The following GRM1 variants were observed in gnomAD, a reference collection of about 807,000 sequenced individuals.
GRM1 encodes metabotropic glutamate receptor 1.
In GRM1, 33 loss-of-function variants were observed where a neutral mutation model predicts 90.9. That is an observed-to-expected ratio of 0.36 (90% CI 0.28 to 0.49). The LOEUF is 0.49. Among genes scored for constraint, GRM1 ranks in the 20% least tolerant of loss-of-function variants. GRM1 has a pLI of 0.99. For synonymous variants in GRM1, 700 were observed against 613.2 expected, an observed-to-expected ratio of 1.14 and a Z score of -2.09; for missense variants, 1,190 against 1,534.3, an observed-to-expected ratio of 0.78 and a Z score of 3.75.
intron 1 of GRM1, among the ~76,000 whole-genome samples, chr6:146,126,168 T>A (rs1248793169): frequency 6.6e-6 from 1 of 152,070 alleles, no homozygotes; most frequent in Non-Finnish European, 1.5e-5. Context: ...TTAATCTTAA[T>A]GAAGACTGAA....
chr6:146,281,114 T>A (rs1367663352), intron 2 of GRM1, among the ~76,000 whole-genome samples: 1 of 152,190 alleles, frequency 6.6e-6, no homozygotes, highest in African/African-American at 2.4e-5. Flanking sequence ...ACAAAAACAT[T>A]TGGAAGAATT....
chr6:146,283,654 A>T (rs1017125368), intron 2 of GRM1, among the ~76,000 whole-genome samples: 1 of 152,220 alleles, frequency 6.6e-6, no homozygotes, highest in Non-Finnish European at 1.5e-5. Context: ...TACGACAGGT[A>T]TAGTTCCAGG....
intron 1 of GRM1, among the ~76,000 whole-genome samples, chr6:146,044,681 A>AT (rs1055242046): frequency 2.6e-5 from 4 of 151,968 alleles, no homozygotes; most frequent in Non-Finnish European, 4.4e-5. Flanking sequence ...AGGCAAATTC[A>AT]TTTTTTTGGT....
At chr6:146,242,637 T>C (rs1445643730) in intron 2 of GRM1, among the ~76,000 whole-genome samples, 1 of 152,154 alleles carries the variant, frequency 6.6e-6, no homozygotes, top group Admixed American at 6.6e-5. Flanking sequence ...CTTCTGAATC[T>C]GGTCATTACT....
intron 3 of GRM1, among the ~76,000 whole-genome samples, chr6:146,317,347 C>G (rs1482910847): frequency 6.6e-6 from 1 of 152,228 alleles, no homozygotes; most frequent in African/African-American, 2.4e-5. Flanking sequence ...GTTGATAAAA[C>G]TGCTGCCTTC....
chr6:146,077,279 C>T (rs1776218693), intron 1 of GRM1, among the ~76,000 whole-genome samples: 1 of 152,192 alleles, frequency 6.6e-6, no homozygotes, highest in Admixed American at 6.5e-5. Flanking sequence ...AACGCACACA[C>T]AGACAGATAC....
At chr6:146,069,072 G>A (rs984353636) in intron 1 of GRM1, among the ~76,000 whole-genome samples, 1 of 152,102 alleles carries the variant, frequency 6.6e-6, no homozygotes, top group African/African-American at 2.4e-5. Context: ...TGATGTCAGT[G>A]GTCCCCAAAC....
chr6:146,209,844 G>T (rs528825253), intron 2 of GRM1, among the ~76,000 whole-genome samples: 1 of 152,270 alleles, frequency 6.6e-6, no homozygotes, highest in South Asian at 2.1e-4. Context: ...TTAGGCAGCA[G>T]TGGGGAAGAT....
intron 3 of GRM1, among the ~76,000 whole-genome samples, chr6:146,319,058 C>A (rs1278028643): frequency 6.6e-6 from 1 of 152,070 alleles, no homozygotes; most frequent in Non-Finnish European, 1.5e-5. Context: ...TTACTCACAA[C>A]GTCTTTGCCC....
intron 2 of GRM1, among the ~76,000 whole-genome samples, chr6:146,186,207 A>G (rs1000818947): frequency 2.0e-5 from 3 of 150,640 alleles, no homozygotes; most frequent in African/African-American, 7.3e-5. Context: ...CGAACTCCTG[A>G]CCTCAAGTGA....
chr6:146,107,237 T>A (rs1215474734), intron 1 of GRM1, among the ~76,000 whole-genome samples: 1 of 152,210 alleles, frequency 6.6e-6, no homozygotes, highest in African/African-American at 2.4e-5. Context: ...CTACTATTAT[T>A]GTATATAAGA....
At chr6:146,059,324 A>G (rs1582942077) in intron 1 of GRM1, among the ~76,000 whole-genome samples, 2 of 152,130 alleles carry the variant, frequency 1.3e-5, no homozygotes, top group East Asian at 3.9e-4. Flanking sequence ...TTGGGTGACC[A>G]GGTGTATTGT....
chr6:146,070,998 G>A (rs1776000752), intron 1 of GRM1, among the ~76,000 whole-genome samples: 1 of 152,238 alleles, frequency 6.6e-6, no homozygotes, highest in East Asian at 1.9e-4. Flanking sequence ...GAAATAATTA[G>A]CCTATGGGGC....
chr6:146,398,697 G>C, intron 6 of GRM1, 72 bp from the exon 7 acceptor site: 1 of 1,007,164 alleles, frequency 9.9e-7, no homozygotes, highest in Non-Finnish European at 1.6e-6. Context: ...TGTGTCTCTG[G>C]TAATTAATAG....
chr6:146,181,132 C>T (rs1778536253), intron 2 of GRM1, among the ~76,000 whole-genome samples: 1 of 151,968 alleles, frequency 6.6e-6, no homozygotes, highest in Non-Finnish European at 1.5e-5. Context: ...AATAGATTTG[C>T]AGTGCCCATG....
In GRM1 at chr6:146,351,419, C is replaced by T. The variant is rs1785407596; in HGVS notation, c.1187-831C>T. The stretch of plus-strand genomic sequence containing the variant: ...TTTTCCAAACCTCTTACCTTTATTT[C>T]AGCAAACCCAGTTGGTCCCAAAATT... On this transcript the variant is annotated intron_variant, in intron 3 of 7. Transcript: ENST00000282753. 1.3e-5 allele frequency among the ~76,000 whole-genome samples: 2 copies of T among 148,536 alleles called. 1 individual carries two copies. Among genetic ancestry groups the T allele is most frequent in the South Asian group, 4.3e-4 (2 of 4,630 alleles).
intron 6 of GRM1, among the ~76,000 whole-genome samples, chr6:146,392,209 T>C (rs149219674): frequency 1.4e-4 from 22 of 152,166 alleles, no homozygotes; most frequent in African/African-American, 5.3e-4. Flanking sequence ...GACTTGGGGG[T>C]GATAAAAAGA....
intron 2 of GRM1, among the ~76,000 whole-genome samples, chr6:146,253,159 G>C (rs528624221): frequency 1.5e-3 from 228 of 152,210 alleles, no homozygotes; most frequent in African/African-American, 4.5e-3. Context: ...ATGAGTGATA[G>C]AGAATTATGC....
intron 2 of GRM1, among the ~76,000 whole-genome samples, chr6:146,275,694 T>C (rs747909289): frequency 6.6e-6 from 1 of 152,190 alleles, no homozygotes; most frequent in Non-Finnish European, 1.5e-5. Context: ...ATAAACAAAA[T>C]TCATTTTTTC....
Sources: allele counts gnomAD v4.1 joint callset (sites outside exome capture counted in the v4.1 genomes callset), GRCh38; gene constraint gnomAD v4.1.1; transcripts MANE v1.5; gene names NCBI Gene and HGNC (gene_info 2026-07-23, HGNC 2026-07-21).